The following AXIN1 variants were observed in gnomAD, a reference collection of about 807,000 sequenced individuals.
AXIN1 encodes the protein axin-1.
Under a neutral mutation model 76.4 loss-of-function variants are expected in AXIN1, and 30 were observed. The ratio of observed to expected loss-of-function variants is 0.39; its 90% confidence interval spans 0.29 to 0.53. The LOEUF (loss-of-function observed/expected upper bound fraction) is 0.53. Among genes scored for constraint, AXIN1 ranks in the 20% least tolerant of loss-of-function variants. The probability of loss-of-function intolerance (pLI) is 0.66; values close to 1 mark genes in which losing one functional copy is unlikely to be tolerated. For synonymous variants in AXIN1, 545 were observed against 501.4 expected (o/e 1.09, Z -1.16); for missense variants, 1,140 against 1,198.8 (o/e 0.95, Z 0.72).
At chr16:345,505 G>A (rs1471304377) in intron 2 of AXIN1, among the ~76,000 whole-genome samples, 4 of 152,106 alleles carry the variant, frequency 2.6e-5, no homozygotes, top group African/African-American at 4.8e-5. Flanking sequence ...ACCTGAGGTC[G>A]GGAGTTCGAG....
At chr16:334,652 C>T (rs1445486283) in intron 2 of AXIN1, among the ~76,000 whole-genome samples, 1 of 150,904 alleles carries the variant, frequency 6.6e-6, no homozygotes, top group Non-Finnish European at 1.5e-5. Context: ...TAATGCAGCA[C>T]CCAGTACCAT....
At chr16:342,585 G>A (rs1028204825) in intron 2 of AXIN1, among the ~76,000 whole-genome samples, 1 of 152,194 alleles carries the variant, frequency 6.6e-6, no homozygotes, top group Non-Finnish European at 1.5e-5. Context: ...GTCTGTCTGG[G>A]TGGAGAACCC....
intron 2 of AXIN1, among the ~76,000 whole-genome samples, chr16:329,697 C>T (rs575695413): frequency 8.3e-4 from 127 of 152,240 alleles, no homozygotes; most frequent in Non-Finnish European, 1.5e-3. Context: ...AGTCTTGGCT[C>T]ACTGCAAGCT....
At chr16:312,214 G>C (rs1052264788) in intron 3 of AXIN1, among the ~76,000 whole-genome samples, 2 of 152,176 alleles carry the variant, frequency 1.3e-5, no homozygotes, top group Non-Finnish European at 2.9e-5. Context: ...TTGTGAGCTT[G>C]CCGCCAGCAC....
At chr16:301,114 C>G (rs943278825) in intron 5 of AXIN1, among the ~76,000 whole-genome samples, 1 of 151,782 alleles carries the variant, frequency 6.6e-6, no homozygotes, top group African/African-American at 2.4e-5. Context: ...ACTAAAAATA[C>G]AAAAAAATTA....
rs1306616778 is a variant in AXIN1 at position 293,853 on chromosome 16, G to A, written c.1956-135C>T. 2.4e-6 allele frequency: 2 copies of A among 843,660 alleles called. No homozygotes were observed. Among genetic ancestry groups the A allele is most frequent in the Non-Finnish European group, 4.0e-6 (2 of 503,388 alleles). 52.3% of individuals were successfully genotyped at this position (843,660 alleles called of 1,614,324 possible). On this transcript the variant is annotated intron_variant, in intron 7 of 10. Transcript: ENST00000262320. The surrounding 1 kb of genome is among the most constrained non-coding windows in gnomAD (Gnocchi z 4.6). ...TGGGGCACTGGGGCCTGGCCACCAA[G>A]CCACATGGACGTCCTCCACAGACCA...
At chr16:332,281 T>C (rs2053706465) in intron 2 of AXIN1, among the ~76,000 whole-genome samples, 1 of 152,104 alleles carries the variant, frequency 6.6e-6, no homozygotes, top group East Asian at 1.9e-4. Flanking sequence ...AAACAGGATA[T>C]AAAACCTGCA....
At chr16:320,683 GTGTATATA>G (rs1221163850) in intron 2 of AXIN1, among the ~76,000 whole-genome samples, 2 of 147,966 alleles carry the variant, frequency 1.4e-5, no homozygotes, top group Non-Finnish European at 3.0e-5. Flanking sequence ...GTATATATGT[GTGTATATA>G]TGTATATATG....
Position 325,813 on chromosome 16 carries a change from G to A in AXIN1, c.879-11130C>T, listed in dbSNP as rs180758701. Among the ~76,000 whole-genome samples, 157 of 152,286 alleles carry A rather than the reference G, an allele frequency of 1.0e-3. No homozygotes were observed. In the Middle Eastern group the frequency reaches 0.014, roughly 13 times the overall value. On this transcript the variant is annotated intron_variant, in intron 2 of 10. Transcript: ENST00000262320. ...GGGGCCTTCGGAAACACCAAGAAAC[G>A]ACCAAAGCAGACAGGCACTGGGAGA...
At chr16:336,966 G>A (rs916516791) in intron 2 of AXIN1, among the ~76,000 whole-genome samples, 7 of 151,460 alleles carry the variant, frequency 4.6e-5, no homozygotes, top group Admixed American at 2.6e-4. Flanking sequence ...TGGCTAACAC[G>A]GTGAAACCCC....
chr16:312,307 A>G (rs2053201513), intron 3 of AXIN1, among the ~76,000 whole-genome samples: 1 of 152,228 alleles, frequency 6.6e-6, no homozygotes, highest in Admixed American at 6.5e-5. Context: ...GAGTACGTGT[A>G]GCAATTTCAC....
chr16:297,875 G>C lies in AXIN1; in HGVS notation c.1631C>G (p.Ala544Gly), dbSNP rs2141510770. Residue 544 changes from alanine to glycine, a missense_variant, in exon 6 of 11, where the codon GCC (alanine) becomes GGC (glycine). This residue lies in a region of AXIN1 where 708 missense variants were observed against 776.9 expected (regional missense o/e 0.91). Coordinates refer to ENST00000262320, the MANE Select transcript of AXIN1 (RefSeq NM_003502.4). ...GGCCTCCACCTGCTCCTTGGGCCGG[G>C]CTGTGCTGTGGTGGACGTGGTGGTG... ...HVHHHVHHST[A>G]RPKEQVEAEA... The C allele has an allele frequency of 6.3e-7, 1 of 1,587,088 alleles. No individual in the cohort carries two copies. The highest frequency in any genetic ancestry group is 8.6e-7 in the Non-Finnish European group (1 of 1,165,760).
chr16:349,165 G>A (rs1014449858), intron 1 of AXIN1, among the ~76,000 whole-genome samples: 3 of 152,060 alleles, frequency 2.0e-5, no homozygotes. Flanking sequence ...CCCATAGATG[G>A]AGGATGGTTT....
intron 2 of AXIN1, among the ~76,000 whole-genome samples, chr16:345,639 G>A (rs1246353727): frequency 6.6e-6 from 1 of 151,994 alleles, no homozygotes; most frequent in African/African-American, 2.4e-5. Flanking sequence ...GCTCAAACCC[G>A]GGAGGCGAAG....
At chr16:289,905 T>C in intron 9 of AXIN1, 1 of 524,286 alleles carries the variant, frequency 1.9e-6, no homozygotes, top group Non-Finnish European at 3.5e-6. Context: ...ACCTCTAGGA[T>C]GGCAGGGCAG....
In AXIN1 at chr16:293,546, C is replaced by T. The variant is rs2052626976; in HGVS notation, c.2128G>A (p.Ala710Thr). The change falls in exon 8 of 11, where the codon GCG becomes ACG. Residue 710 changes from alanine (A) to threonine (T), a missense_variant. By Grantham distance (58) the Ala-to-Thr change is moderately conservative (BLOSUM62 0). Around this residue, in one of 3 missense-constraint regions of AXIN1, gnomAD observed 429 missense variants for 405.8 expected, o/e 1.06. Transcript: ENST00000262320. The surrounding 1 kb of genome is among the most constrained non-coding windows in gnomAD (Gnocchi z 4.6). ...TCTTCCTCCTCCAGACGTCGGCGCG[C>T]CTCCTCCAGCTGGGTTAGGGGGTTG... Reference protein sequence around the residue: ...APNPLTQLEEARRRLEEEEKR... With the variant: ...APNPLTQLEETRRRLEEEEKR... 1 of 1,611,596 alleles carries T rather than the reference C, an allele frequency of 6.2e-7. No individual in the cohort carries two copies. The highest frequency in any genetic ancestry group is 1.3e-5 in the African/African-American group (1 of 74,896).
rs752402029 is a variant in AXIN1, at chr16:289,554, A to G, written c.2348T>C (p.Ile783Thr). Reference sequence around the variant, plus strand: ...CCCGCAGAAGTAGTACGCCACAACGATGCTGTCACACGGCTGGGCACTCCC... The same window carrying G: ...CCCGCAGAAGTAGTACGCCACAACGGTGCTGTCACACGGCTGGGCACTCCC... The part of the protein sequence containing the change: ...GGGSAQPCDS[I>T]VVAYYFCGEP... The change falls in exon 10 of 11, where the codon ATC (isoleucine) becomes ACC (threonine). Residue 783 changes from isoleucine to threonine, a missense_variant. Ile to Thr is a moderately conservative substitution (Grantham distance 89, BLOSUM62 -1). Coordinates refer to ENST00000262320, the MANE Select transcript of AXIN1 (RefSeq NM_003502.4). The G allele has an allele frequency of 6.2e-7, 1 of 1,612,958 alleles. No individual in the cohort carries two copies. The highest frequency in any genetic ancestry group is 8.5e-7 in the Non-Finnish European group (1 of 1,180,014).
intron 2 of AXIN1, among the ~76,000 whole-genome samples, chr16:324,005 T>G (rs1399299331): frequency 3.3e-5 from 5 of 151,994 alleles, no homozygotes; most frequent in Admixed American, 6.6e-5. Flanking sequence ...AGCCCCATAG[T>G]CCATGGGGAG....
At chr16:325,120 A>G (rs971731649) in intron 2 of AXIN1, among the ~76,000 whole-genome samples, 2 of 149,512 alleles carry the variant, frequency 1.3e-5, no homozygotes, top group African/African-American at 5.0e-5. Context: ...GCGGCCCCGC[A>G]CCCCAGGAAA....
Sources: allele counts gnomAD v4.1 joint callset (sites outside exome capture counted in the v4.1 genomes callset), GRCh38; gene constraint gnomAD v4.1.1; regional missense constraint gnomAD v4.1.1; non-coding constraint Gnocchi (gnomAD v3.1); transcripts MANE v1.5; gene names NCBI Gene and HGNC (gene_info 2026-07-23, HGNC 2026-07-21).